MYO5C: variants seen among roughly 807,000 people sequenced by gnomAD.
MYO5C encodes unconventional myosin-Vc.
A neutral mutation model predicts 235.7 loss-of-function variants in MYO5C; 194 were observed. The ratio of observed to expected loss-of-function variants is 0.82; its 90% CI spans 0.73 to 0.93. The LOEUF is 0.93. MYO5C is among the 40% of genes least tolerant of loss of function. MYO5C has a pLI of 0.00. For missense variants in MYO5C, 2,038 were observed against 2,127.2 expected, an observed-to-expected ratio of 0.96 and a Z score of 0.82; for synonymous variants, 707 against 754.8, an observed-to-expected ratio of 0.94 and a Z score of 1.04.
intron 34 of MYO5C, 78 bp from the exon 35 acceptor site, chr15:52,211,962 G>T: frequency 4.7e-6 from 7 of 1,482,938 alleles, no homozygotes; most frequent in Non-Finnish European, 6.4e-6. Context: ...TAGGGGCAGG[G>T]GCTTGTTTGC....
At chr15:52,199,692 C>A (rs74015627) in intron 38 of MYO5C, among the ~76,000 whole-genome samples, 3,576 of 152,194 alleles carry the variant, frequency 0.023, 143 homozygotes, top group African/African-American at 0.084. Flanking sequence ...TTTCTCTATT[C>A]TCTCATGCTC....
chr15:52,239,383 GGCAGCAC>G (rs770710376), intron 21 of MYO5C, among the ~76,000 whole-genome samples: 5 of 152,258 alleles, frequency 3.3e-5, no homozygotes, highest in Non-Finnish European at 5.9e-5. Context: ...GTCATCCCAA[GGCAGCAC>G]GCTTGGCATG....
At chr15:52,266,213 C>CCTTAA (rs10686562) in intron 8 of MYO5C, among the ~76,000 whole-genome samples, 144,406 of 152,134 alleles carry the variant, frequency 0.95, 68,966 homozygotes, top group Non-Finnish European at 1. Context: ...AAGTAATCAT[C>CCTTAA]CTTAGTGAGC....
At chr15:52,238,786 C>A (rs899068143) in intron 21 of MYO5C, among the ~76,000 whole-genome samples, 2 of 151,440 alleles carry the variant, frequency 1.3e-5, no homozygotes. Context: ...GGACTACAGG[C>A]GCCCGCCACC....
chr15:52,202,368 C>T (rs1465055575), intron 38 of MYO5C, among the ~76,000 whole-genome samples: 2 of 152,004 alleles, frequency 1.3e-5, no homozygotes, highest in Non-Finnish European at 1.5e-5. Flanking sequence ...CAGAGTGAGA[C>T]CCCCATCTCA....
chr15:52,219,589 G>A (rs1022904823), intron 31 of MYO5C, among the ~76,000 whole-genome samples, 170 bp downstream of exon 31: 9 of 152,226 alleles, frequency 5.9e-5, no homozygotes, highest in African/African-American at 2.2e-4. Flanking sequence ...CTGCTGCTGA[G>A]TGTGTTGTAC....
At position 52,261,080 on chromosome 15, in the gene MYO5C, C is replaced by T; in HGVS notation, c.1095G>A (p.Glu365=). 1 of 1,614,222 alleles carries T rather than the reference C, an allele frequency of 6.2e-7. No individual in the cohort carries two copies. The highest frequency in any genetic ancestry group is 1.1e-5 in the South Asian group (1 of 91,084). The change falls in exon 10 of 41, where the codon GAG becomes GAA. Residue 365 remains glutamate, a synonymous_variant. Coordinates refer to ENST00000261839, the MANE Select transcript of MYO5C (RefSeq NM_018728.4). The part of the protein sequence containing the change: ...LKVFCELLGL[E]SGRVAQWLCN... ...ACAGCCACTGAGCAACTCTGCCACT[C>T]TCCAGGCCCAGGAGCTCACAGAACA... is the stretch of plus-strand genomic sequence containing the variant.
chr15:52,194,596 A>G (rs2035003876), intron 40 of MYO5C, among the ~76,000 whole-genome samples: 1 of 152,074 alleles, frequency 6.6e-6, no homozygotes, highest in South Asian at 2.1e-4. Flanking sequence ...TTAATTCATT[A>G]AAATAAGCTC....
chr15:52,281,888 C>T (rs2037168876), intron 2 of MYO5C, among the ~76,000 whole-genome samples: 1 of 152,192 alleles, frequency 6.6e-6, no homozygotes, highest in Non-Finnish European at 1.5e-5. Context: ...TGATGTTCCC[C>T]AGACCCACCT....
At chr15:52,285,321 T>G (rs1016889143) in intron 1 of MYO5C, among the ~76,000 whole-genome samples, 2 of 149,300 alleles carry the variant, frequency 1.3e-5, no homozygotes, top group Non-Finnish European at 3.0e-5. Flanking sequence ...TGAGCCGAGA[T>G]CGCACCACTG....
Position 52,295,714 on chromosome 15 carries a change from G to A in MYO5C, c.-78C>T, listed in dbSNP as rs2037489793. The A allele has an allele frequency of 9.5e-7, 1 of 1,054,438 alleles. No homozygotes were observed. The highest frequency in any genetic ancestry group is 1.3e-6 in the Non-Finnish European group (1 of 795,018). 65.3% of individuals were successfully genotyped at this position (1,054,438 alleles called of 1,614,324 possible). A position where few individuals can be genotyped will look rare whatever the true frequency, so the allele number is the denominator to read the frequency against. On this transcript the variant is annotated 5_prime_UTR_variant, in exon 1 of 41. Coordinates refer to ENST00000261839, the MANE Select transcript of MYO5C (RefSeq NM_018728.4). ...GGCTGGGCCTGCGCCGCAGAGGCCG[G>A]GCGCAGGAGAGACCGCCGCGGAAAT...
chr15:52,285,047 A>G (rs2037232070), intron 1 of MYO5C, among the ~76,000 whole-genome samples: 1 of 152,114 alleles, frequency 6.6e-6, no homozygotes, highest in South Asian at 2.1e-4. Context: ...ACATGTTCAT[A>G]TAAAAATGCT....
chr15:52,234,827 C>A (rs2036040706), intron 23 of MYO5C, among the ~76,000 whole-genome samples: 1 of 152,214 alleles, frequency 6.6e-6, no homozygotes, highest in Admixed American at 6.5e-5. Flanking sequence ...CTCTGCACTC[C>A]TCTGGGCCCC....
chr15:52,244,580 A>T lies in MYO5C; in HGVS notation c.2179-13T>A. ...ACTGATTAGAATCCTGGAAGAGAAA[A>T]ATGATATAGTTAGAATTAAAATCTG... On this transcript the variant is annotated splice_polypyrimidine_tract_variant and intron_variant, in intron 18 of 40. Coordinates refer to ENST00000261839, the MANE Select transcript of MYO5C (RefSeq NM_018728.4). 6.4e-7 allele frequency: 1 copy of T among 1,555,946 alleles called. No individual in the cohort carries two copies. The highest frequency in any genetic ancestry group is 1.4e-5 in the African/African-American group (1 of 73,350).
chr15:52,204,963 C>G lies in MYO5C; in HGVS notation c.4722G>C (p.Gln1574His). 2 of 1,614,234 alleles carry G rather than the reference C, an allele frequency of 1.2e-6. No homozygotes were observed. Among genetic ancestry groups the G allele is most frequent in the South Asian group, 2.2e-5 (2 of 91,090 alleles). Residue 1574 changes from glutamine (Q) to histidine (H), a missense_variant, in exon 38 of 41, where the codon CAG becomes CAC. Coordinates refer to ENST00000261839, the MANE Select transcript of MYO5C (RefSeq NM_018728.4). ...TCAAGAAGAAGAGCTGCTTCACCGC[C>G]TGCCTCACAAGCTCGGGGTCCAGGC... The part of the protein sequence containing the change: ...QNGLDPELVR[Q>H]AVKQLFFLIG...
intron 29 of MYO5C, among the ~76,000 whole-genome samples, chr15:52,222,602 G>A (rs1253971379): frequency 6.6e-6 from 1 of 151,464 alleles, no homozygotes; most frequent in African/African-American, 2.4e-5. Flanking sequence ...GAGTCAGCCA[G>A]TGGTGGGGAC....
intron 1 of MYO5C, among the ~76,000 whole-genome samples, chr15:52,291,185 C>G (rs2037380828): frequency 6.6e-6 from 1 of 152,232 alleles, no homozygotes; most frequent in Non-Finnish European, 1.5e-5. Context: ...GCACCGTACT[C>G]ATGGCTGAGC....
intron 1 of MYO5C, among the ~76,000 whole-genome samples, chr15:52,294,175 G>C (rs1022580697): frequency 1.3e-5 from 2 of 152,264 alleles, no homozygotes; most frequent in Non-Finnish European, 1.5e-5. Context: ...AGGGGTGCTT[G>C]CACCTGTGTG....
Position 52,282,830 on chromosome 15 carries a change from G to C in MYO5C, c.90C>G (p.Asp30Glu). The change falls in exon 2 of 41, where the codon GAC becomes GAG. Residue 30 changes from aspartate to glutamate, a missense_variant. Coordinates refer to ENST00000261839, the MANE Select transcript of MYO5C (RefSeq NM_018728.4). ...EVWKSAEIAKDYRVGDKVLRL... is the reference protein window; with the variant it reads ...EVWKSAEIAKEYRVGDKVLRL... ...GCAGGACCTTGTCACCAACTCTGTAGTCCTTGGCTATTTCAGCAGACTTCC... is the reference window on the plus strand; with the variant it reads ...GCAGGACCTTGTCACCAACTCTGTACTCCTTGGCTATTTCAGCAGACTTCC... 2 of 1,614,122 alleles carry C rather than the reference G, an allele frequency of 1.2e-6. No homozygotes were observed. The highest frequency in any genetic ancestry group is 8.5e-7 in the Non-Finnish European group (1 of 1,179,958).
Sources: gnomAD v4.1 joint callset for allele counts (sites outside exome capture counted in the v4.1 genomes callset) on GRCh38, gnomAD v4.1.1 for gene constraint, MANE v1.5 for transcripts, NCBI Gene and HGNC (gene_info 2026-07-23, HGNC 2026-07-21) for gene names.